ZMAT5: variants seen among roughly 807,000 people sequenced by gnomAD.
ZMAT5 encodes zinc finger matrin-type 5.
ZMAT5 carries 23 observed loss-of-function variants against 28.0 expected under a neutral mutation model. That is an observed-to-expected ratio of 0.82 (90% CI 0.59 to 1.16). The LOEUF is 1.16. Ranked by LOEUF, ZMAT5 falls within the 50% of genes most tolerant of loss-of-function variation. The pLI is 0.00. For synonymous variants in ZMAT5, 76 were observed against 84.1 expected, an observed-to-expected ratio of 0.90 and a Z score of 0.52; for missense variants, 173 against 212.7, an observed-to-expected ratio of 0.81 and a Z score of 1.16.
chr22:29,751,088 T>C (rs957637123), intron 1 of ZMAT5, among the ~76,000 whole-genome samples: 45 of 152,170 alleles, frequency 3.0e-4, no homozygotes, highest in Non-Finnish European at 7.4e-5. Flanking sequence ...TTGTAAGAGA[T>C]GAACGTTTAA....
Position 29,742,452 on chromosome 22 carries a change from C to T in ZMAT5, c.156G>A (p.Gln52=). 1 of 1,613,186 alleles carries T rather than the reference C, an allele frequency of 6.2e-7. No homozygotes were observed. The highest frequency in any genetic ancestry group is 8.5e-7 in the Non-Finnish European group (1 of 1,179,958). Residue 52 remains glutamine, a synonymous_variant, in exon 3 of 6, where the codon CAG becomes CAA. Coordinates refer to ENST00000344318, the MANE Select transcript of ZMAT5 (RefSeq NM_001003692.2). ...RDAAAILLDE[Q]NKRPCRKFLL... Reference sequence around the variant, plus strand: ...GAAACTTCCTGCAGGGCCGCTTGTTCTGCTCATCCAGCAAGATGGCAGCTG... The same window carrying T: ...GAAACTTCCTGCAGGGCCGCTTGTTTTGCTCATCCAGCAAGATGGCAGCTG...
chr22:29,736,512 G>A (rs1478769340), intron 5 of ZMAT5, among the ~76,000 whole-genome samples: 1 of 151,806 alleles, frequency 6.6e-6, no homozygotes, highest in African/African-American at 2.4e-5. Context: ...CTGAGGTCAG[G>A]AGTTCGAGAC....
rs1159824401 is a variant in ZMAT5, at chr22:29,748,458, C to T, written c.87G>A (p.Gln29=). 6.2e-7 allele frequency: 1 copy of T among 1,614,270 alleles called. No individual in the cohort carries two copies. The highest frequency in any genetic ancestry group is 1.1e-5 in the South Asian group (1 of 91,090). The change falls in exon 2 of 6, where the codon CAG becomes CAA. Residue 29 remains glutamine, a synonymous_variant. Coordinates refer to ENST00000344318, the MANE Select transcript of ZMAT5 (RefSeq NM_001003692.2). ...ACCAGACCTTCTTGGCCTTGAGGTG[C>T]TGCAGCCCGTTCAGGTGCTTCTTGC... The part of the protein sequence containing the change: ...HNRKKHLNGL[Q]HLKAKKVWYD...
chr22:29,737,269 A>G (rs986099261), intron 5 of ZMAT5, among the ~76,000 whole-genome samples: 15 of 151,070 alleles, frequency 9.9e-5, no homozygotes, highest in Non-Finnish European at 1.6e-4. Context: ...CAGAGGTTGC[A>G]GTGAGCTGAG....
intron 5 of ZMAT5, among the ~76,000 whole-genome samples, chr22:29,732,459 C>T (rs1005197075): frequency 6.6e-5 from 10 of 152,122 alleles, no homozygotes; most frequent in African/African-American, 2.2e-4. Context: ...GCACATTGGC[C>T]GGGCGCAGTG....
At chr22:29,743,100 T>C (rs2067978579) in intron 2 of ZMAT5, among the ~76,000 whole-genome samples, 2 of 152,048 alleles carry the variant, frequency 1.3e-5, no homozygotes, top group Admixed American at 1.3e-4. Context: ...AGCCTGGAGG[T>C]ATAATACTTT....
intron 5 of ZMAT5, among the ~76,000 whole-genome samples, chr22:29,735,089 T>G (rs2147215184): frequency 6.6e-6 from 1 of 152,080 alleles, no homozygotes; most frequent in South Asian, 2.1e-4. Context: ...GGGCTGGGGC[T>G]GGAATCCACC....
chr22:29,740,683 G>C lies in ZMAT5; in HGVS notation c.238C>G (p.Arg80Gly), dbSNP rs143310443. 2 of 1,604,816 alleles carry C rather than the reference G, an allele frequency of 1.2e-6. No homozygotes were observed. The highest frequency in any genetic ancestry group is 1.3e-5 in the African/African-American group (1 of 74,862). ...TGGATGCTCAGCTCCTGCAGGTCTC[G>C]CTCTGACATGTGGGAAAATCTGCAG... ...SNCRFSHMSE[R>G]DLQELSIQVE... Residue 80 changes from arginine (R) to glycine (G), a missense_variant, in exon 4 of 6, where the codon CGA becomes GGA. Physicochemically the swap from Arg to Gly is moderately radical, Grantham distance 125 (BLOSUM62 -2). Transcript: ENST00000344318.
chr22:29,747,873 G>A (rs887721843), intron 2 of ZMAT5: 8 of 175,424 alleles, frequency 4.6e-5, no homozygotes. Flanking sequence ...TGCTCCCCAC[G>A]AAGCAGTCTG....
intron 2 of ZMAT5, chr22:29,747,981 G>T: frequency 4.2e-6 from 1 of 238,916 alleles, no homozygotes; most frequent in Non-Finnish European, 8.5e-6. Flanking sequence ...CCCTGCTTAT[G>T]ATGGCCTCCA....
At chr22:29,737,303 GGGC>G (rs2067915387) in intron 5 of ZMAT5, among the ~76,000 whole-genome samples, 1 of 152,132 alleles carries the variant, frequency 6.6e-6, no homozygotes, top group Non-Finnish European at 1.5e-5. Context: ...ACTCCAGCCT[GGGC>G]AATACAGCAA....
At chr22:29,735,784 A>T (rs2067898542) in intron 5 of ZMAT5, among the ~76,000 whole-genome samples, 1 of 152,216 alleles carries the variant, frequency 6.6e-6, no homozygotes, top group South Asian at 2.1e-4. Flanking sequence ...TCAACCTGTG[A>T]CTAGGAGCCA....
intron 3 of ZMAT5, among the ~76,000 whole-genome samples, chr22:29,741,111 C>T (rs777240712): frequency 3.3e-5 from 5 of 152,206 alleles, no homozygotes; most frequent in Non-Finnish European, 5.9e-5. Flanking sequence ...CACTCCAAGC[C>T]GCAGCACGTG....
At position 29,735,923 on chromosome 22, in the gene ZMAT5, C is replaced by G. The variant is rs530727782; in HGVS notation, c.383+2407G>C. On this transcript the variant is annotated intron_variant, in intron 5 of 5. Transcript: ENST00000344318. ...AGGACTCTGGGGCACCCCATCTCTA[C>G]CCCACCCATTGGTGCTCACTCCAGT... Among the ~76,000 whole-genome samples the G allele has an allele frequency of 2.0e-5, 3 of 152,330 alleles. No homozygotes were observed. In the East Asian group the frequency reaches 5.8e-4, roughly 29 times the overall value.
intron 1 of ZMAT5, among the ~76,000 whole-genome samples, chr22:29,753,666 G>A (rs998829644): frequency 2.0e-5 from 3 of 152,202 alleles, no homozygotes; most frequent in Non-Finnish European, 4.4e-5. Context: ...TCCAGCCTGG[G>A]TGACAGAGCA....
chr22:29,746,418 G>A lies in ZMAT5; in HGVS notation c.127+2000C>T, dbSNP rs1360446461. The A allele has an allele frequency of 4.6e-5, 7 of 152,154 alleles. No individual in the cohort carries two copies. The East Asian group carries it at 1.3e-3, about 29-fold the overall frequency. 9.4% of individuals were successfully genotyped at this position (152,154 alleles called of 1,614,324 possible). On this transcript the variant is annotated intron_variant, in intron 2 of 5. Transcript: ENST00000344318. Reference sequence around the variant, plus strand: ...CCCACCTCAAACCTCCCAAAGTGCTGGGATTACAGGCATGAGCCACGGAGT... The same window carrying A: ...CCCACCTCAAACCTCCCAAAGTGCTAGGATTACAGGCATGAGCCACGGAGT...
chr22:29,747,941 C>T lies in ZMAT5; in HGVS notation c.127+477G>A, dbSNP rs188842548. The T allele has an allele frequency of 2.8e-5, 7 of 246,840 alleles. No homozygotes were observed. In the South Asian group the frequency reaches 3.5e-4, roughly 12 times the overall value. 15.3% of individuals were successfully genotyped at this position (246,840 alleles called of 1,614,324 possible). On this transcript the variant is annotated intron_variant, in intron 2 of 5. Coordinates refer to ENST00000344318, the MANE Select transcript of ZMAT5 (RefSeq NM_001003692.2). ...AAGCCCTTCAAAGGCTGCTCTCTGC[C>T]CTTGGAACAGGGACCCCCCCACCTC... is the stretch of plus-strand genomic sequence containing the variant.
intron 3 of ZMAT5, among the ~76,000 whole-genome samples, chr22:29,741,721 C>T (rs574763680): frequency 2.0e-5 from 3 of 152,160 alleles, no homozygotes; most frequent in Non-Finnish European, 4.4e-5. Flanking sequence ...GCAATCATAG[C>T]TCACTGCAGC....
chr22:29,731,578 C>T lies in ZMAT5; in HGVS notation c.384-224G>A. ...AGCGGGGTTGCAGGCAGACATTGAG[C>T]TGCGAGACAATGGGAATAACCTTCG... is the stretch of plus-strand genomic sequence containing the variant. On this transcript the variant is annotated intron_variant, in intron 5 of 5. Coordinates refer to ENST00000344318, the MANE Select transcript of ZMAT5 (RefSeq NM_001003692.2). 1.8e-5 allele frequency: 9 copies of T among 511,834 alleles called. No homozygotes were observed. In the South Asian group the frequency reaches 2.4e-4, roughly 14 times the overall value. The allele number at this position is 511,834 out of a possible 1,614,324, so 31.7% of individuals were successfully genotyped here.
Sources: allele counts gnomAD v4.1 joint callset (sites outside exome capture counted in the v4.1 genomes callset), GRCh38; gene constraint gnomAD v4.1.1; transcripts MANE v1.5; gene names NCBI Gene and HGNC (gene_info 2026-07-23, HGNC 2026-07-21).